ANKHD1: variants seen among roughly 807,000 people sequenced by gnomAD.
ANKHD1 encodes ankyrin repeat and KH domain-containing protein 1.
In ANKHD1, 31 loss-of-function variants were observed where a neutral mutation model predicts 230.5. The ratio of observed to expected loss-of-function variants is 0.13; its 90% confidence interval spans 0.10 to 0.18. ANKHD1 has a LOEUF of 0.18. Among genes scored for constraint, ANKHD1 ranks in the 10% least tolerant of loss-of-function variants. ANKHD1 has a pLI of 1.00. For synonymous variants in ANKHD1, 1,074 were observed against 1,117.6 expected, an observed-to-expected ratio of 0.96 and a Z score of 0.78; for missense variants, 2,256 against 3,071.3, an observed-to-expected ratio of 0.73 and a Z score of 6.27.
In ANKHD1 at chr5:140,507,541, A is replaced by T. The variant is rs1752592148; in HGVS notation, c.3552-244A>T. ...AGGCTGGTCTCAAACTCCCGACCTC[A>T]GGTGATCTGCCCTCCTTGGCCTCCC... On this transcript the variant is annotated intron_variant, in intron 19 of 33. Coordinates refer to ENST00000360839, the MANE Select transcript of ANKHD1 (RefSeq NM_017747.3). The surrounding 1 kb of genome is among the most constrained non-coding windows in gnomAD (Gnocchi z 4.1). Among the ~76,000 whole-genome samples the T allele has an allele frequency of 6.6e-6, 1 of 152,186 alleles. No individual in the cohort carries two copies. Among genetic ancestry groups the T allele is most frequent in the Non-Finnish European group, 1.5e-5 (1 of 68,024 alleles).
chr5:140,416,447 A>G (rs1040744432), intron 1 of ANKHD1, among the ~76,000 whole-genome samples: 8 of 152,208 alleles, frequency 5.3e-5, no homozygotes, highest in Non-Finnish European at 7.3e-5. Flanking sequence ...CATTTGTTAA[A>G]GACCATTATT....
At chr5:140,536,114 T>G (rs968483764) in intron 30 of ANKHD1, among the ~76,000 whole-genome samples, 6 of 152,020 alleles carry the variant, frequency 3.9e-5, no homozygotes, top group Non-Finnish European at 8.8e-5. Context: ...TTGATTGAGA[T>G]AGAGTGTCTC....
chr5:140,520,332 G>T (rs1371179846), intron 24 of ANKHD1, among the ~76,000 whole-genome samples: 2 of 151,742 alleles, frequency 1.3e-5, no homozygotes, highest in Non-Finnish European at 3.0e-5. Context: ...CTGTTGGTGG[G>T]ACTCTAAACT....
chr5:140,426,770 C>T (rs1208970025), intron 1 of ANKHD1, among the ~76,000 whole-genome samples: 3 of 152,110 alleles, frequency 2.0e-5, no homozygotes, highest in Non-Finnish European at 2.9e-5. Flanking sequence ...CATCTTGCAC[C>T]GCCCTTAATC....
chr5:140,507,013 A>G lies in ANKHD1; in HGVS notation c.3551+36A>G. 1.2e-6 allele frequency: 2 copies of G among 1,605,090 alleles called. No individual in the cohort carries two copies. Among genetic ancestry groups the G allele is most frequent in the Non-Finnish European group, 1.7e-6 (2 of 1,176,490 alleles). ...TTCATTTTATTGTTCATGTTTAGTA[A>G]GTTACTACTTTGGACTTAAATGTCT... On this transcript the variant is annotated intron_variant, in intron 19 of 33. Transcript: ENST00000360839. This position sits in a 1 kb window ranked among gnomAD's most constrained non-coding sequence, Gnocchi z 4.1.
chr5:140,428,137 T>C (rs1455493981), intron 1 of ANKHD1, among the ~76,000 whole-genome samples: 1 of 149,868 alleles, frequency 6.7e-6, no homozygotes, highest in Non-Finnish European at 1.5e-5. Flanking sequence ...GCAGAGACGC[T>C]CCTCACTTTC....
intron 1 of ANKHD1, among the ~76,000 whole-genome samples, chr5:140,429,006 G>A (rs984736987): frequency 4.0e-5 from 6 of 151,360 alleles, no homozygotes; most frequent in African/African-American, 1.2e-4. Context: ...GGCTGGTCTC[G>A]AACTCCTGAC....
intron 24 of ANKHD1, among the ~76,000 whole-genome samples, chr5:140,514,789 A>G (rs577227034): frequency 6.6e-6 from 1 of 151,802 alleles, no homozygotes; most frequent in South Asian, 2.1e-4. Flanking sequence ...TGGGCAACAT[A>G]GTGAGACCTT....
chr5:140,406,259 A>C (rs1402909726), intron 1 of ANKHD1, among the ~76,000 whole-genome samples: 1 of 151,844 alleles, frequency 6.6e-6, no homozygotes, highest in Non-Finnish European at 1.5e-5. Flanking sequence ...AAAATAAATT[A>C]TTTTAGAAAC....
intron 30 of ANKHD1, 116 bp from the exon 31 acceptor site, chr5:140,537,273 A>G: frequency 6.9e-7 from 1 of 1,449,258 alleles, no homozygotes; most frequent in Admixed American, 2.6e-5. Context: ...CTTTCCAACA[A>G]GGTTTCTCAT....
Position 140,507,930 on chromosome 5 carries a change from T to C in ANKHD1, c.3697T>C (p.Phe1233Leu). 6.2e-7 allele frequency: 1 copy of C among 1,614,022 alleles called. No individual in the cohort carries two copies. Among genetic ancestry groups the C allele is most frequent in the Non-Finnish European group, 8.5e-7 (1 of 1,179,930 alleles). ...NRNTALTLAC[F>L]QGRAEVVSLL... ...GAACACGGCTCTCACCCTGGCCTGT[T>C]TCCAGGGCCGAGCAGAAGTAGTGAG... The change falls in exon 20 of 34, where the codon TTC (phenylalanine) becomes CTC (leucine). Residue 1233 changes from phenylalanine to leucine, a missense_variant. Physicochemically the swap from Phe to Leu is conservative, Grantham distance 22 (BLOSUM62 0). Transcript: ENST00000360839. This position sits in a 1 kb window ranked among gnomAD's most constrained non-coding sequence, Gnocchi z 4.1.
In ANKHD1 at chr5:140,410,332, A is replaced by G. The variant is rs116092308; in HGVS notation, c.306+8059A>G. On this transcript the variant is annotated intron_variant, in intron 1 of 33. Coordinates refer to ENST00000360839, the MANE Select transcript of ANKHD1 (RefSeq NM_017747.3). ...ATTAAAGTGATAAATTATGTTATGA[A>G]TGAAGGATGGAGGTGAGTTTAAGCA... 8.2e-3 allele frequency among the ~76,000 whole-genome samples: 1,253 copies of G among 152,272 alleles called. 11 individuals carry two copies. The highest frequency in any genetic ancestry group is 0.029 in the African/African-American group (1,185 of 41,562).
intron 1 of ANKHD1, among the ~76,000 whole-genome samples, chr5:140,417,453 T>A (rs922205096): frequency 1.3e-5 from 2 of 151,882 alleles, no homozygotes; most frequent in Non-Finnish European, 2.9e-5. Flanking sequence ...AATTTTTAAT[T>A]TAATTAATAA....
chr5:140,515,613 T>C (rs921441597), intron 24 of ANKHD1, among the ~76,000 whole-genome samples: 15 of 152,164 alleles, frequency 9.9e-5, no homozygotes, highest in Non-Finnish European at 2.1e-4. Context: ...GACTGCCTCC[T>C]CAAGTGGGTC....
At chr5:140,451,496 A>G (rs556006136) in intron 7 of ANKHD1, among the ~76,000 whole-genome samples, 1 of 152,282 alleles carries the variant, frequency 6.6e-6, no homozygotes, top group African/African-American at 2.4e-5. Context: ...AAATTTAACA[A>G]CTAAGGTTTC....
At chr5:140,499,999 ACTGGGATTACAGGCAC>A (rs1561802944) in intron 15 of ANKHD1, among the ~76,000 whole-genome samples, 1 of 151,614 alleles carries the variant, frequency 6.6e-6, no homozygotes, top group Non-Finnish European at 1.5e-5. Context: ...ATTCCGAGTA[ACTGGGATTACAGGCAC>A]CTGCCACCAC....
At chr5:140,410,482 A>G (rs1223307816) in intron 1 of ANKHD1, among the ~76,000 whole-genome samples, 1 of 152,228 alleles carries the variant, frequency 6.6e-6, no homozygotes, top group Non-Finnish European at 1.5e-5. Flanking sequence ...AGAAAAGCAA[A>G]ACAGTTTTAA....
intron 20 of ANKHD1, 124 bp from the exon 21 acceptor site, chr5:140,509,513 A>G (rs1752673106): frequency 8.4e-7 from 1 of 1,189,580 alleles, no homozygotes; most frequent in Non-Finnish European, 1.1e-6. Flanking sequence ...GCTAATCAGA[A>G]CTAGAATTGT....
intron 1 of ANKHD1, among the ~76,000 whole-genome samples, chr5:140,427,127 C>T (rs1162708651): frequency 1.3e-5 from 2 of 150,414 alleles, no homozygotes; most frequent in Admixed American, 6.6e-5. Flanking sequence ...CCGGACGGGG[C>T]GGCTGGCCGG....
Sources: allele counts gnomAD v4.1 joint callset (sites outside exome capture counted in the v4.1 genomes callset), GRCh38; gene constraint gnomAD v4.1.1; non-coding constraint Gnocchi (gnomAD v3.1); transcripts MANE v1.5; gene names NCBI Gene and HGNC (gene_info 2026-07-23, HGNC 2026-07-21).